RBMS3: variants seen among roughly 807,000 people sequenced by gnomAD.
RBMS3 encodes the protein RNA binding motif single stranded interacting protein 3.
RBMS3 carries 27 observed loss-of-function variants against 66.8 expected under a neutral mutation model. That is an observed-to-expected ratio of 0.40 (90% CI 0.30 to 0.56). RBMS3 has a LOEUF of 0.56. Ranked by LOEUF, RBMS3 falls within the 20% of genes least tolerant of loss-of-function variation. The pLI is 0.40. For missense variants in RBMS3, 513 were observed against 549.5 expected (o/e 0.93, Z 0.66); for synonymous variants, 188 against 183.0 (o/e 1.03, Z -0.22).
At chr3:29,954,001 A>G (rs1695862166) in intron 12 of RBMS3, among the ~76,000 whole-genome samples, 1 of 151,506 alleles carries the variant, frequency 6.6e-6, no homozygotes, top group East Asian at 1.9e-4. Context: ...TCTTGATTTC[A>G]TCTGCCTCAA....
chr3:29,497,023 T>C (rs2043777576), intron 3 of RBMS3, among the ~76,000 whole-genome samples: 1 of 152,076 alleles, frequency 6.6e-6, no homozygotes, highest in Non-Finnish European at 1.5e-5. Flanking sequence ...GAAAACTTTT[T>C]TTTTTTTCTT....
intron 6 of RBMS3, among the ~76,000 whole-genome samples, chr3:29,806,705 T>C (rs2057559278): frequency 6.6e-6 from 1 of 151,966 alleles, no homozygotes; most frequent in East Asian, 1.9e-4. Flanking sequence ...TCATTTATAA[T>C]TATTACAAGG....
intron 2 of RBMS3, among the ~76,000 whole-genome samples, chr3:29,458,964 C>A (rs2042283204): frequency 6.6e-6 from 1 of 152,114 alleles, no homozygotes; most frequent in South Asian, 2.1e-4. Flanking sequence ...TTTCCTATTA[C>A]ATCATGATGT....
intron 6 of RBMS3, among the ~76,000 whole-genome samples, chr3:29,770,818 G>A (rs778389172): frequency 6.6e-6 from 1 of 151,954 alleles, no homozygotes; most frequent in South Asian, 2.1e-4. Context: ...TAACACACAA[G>A]CCAGGGAAAC....
At chr3:29,516,450 TTTTTGTTTTTTGG>T (rs2044628347) in intron 3 of RBMS3, among the ~76,000 whole-genome samples, 1 of 151,900 alleles carries the variant, frequency 6.6e-6, no homozygotes, top group Admixed American at 6.6e-5. Flanking sequence ...TTTTTGTTTG[TTTTTGTTTTTTGG>T]TTTTGTTTTG....
At chr3:29,950,667 A>T (rs182535262) in intron 12 of RBMS3, among the ~76,000 whole-genome samples, 66 of 151,948 alleles carry the variant, frequency 4.3e-4, no homozygotes, top group African/African-American at 1.5e-3. Context: ...AGAATGCAAA[A>T]TGCCCGAACC....
At chr3:29,349,882 G>A (rs1373822462) in intron 1 of RBMS3, among the ~76,000 whole-genome samples, 4 of 152,072 alleles carry the variant, frequency 2.6e-5, no homozygotes, top group South Asian at 2.1e-4. Flanking sequence ...TGTTCAGGCC[G>A]GGTGAGGTGA....
chr3:29,578,278 C>A (rs1025180739), intron 3 of RBMS3, among the ~76,000 whole-genome samples: 1 of 152,120 alleles, frequency 6.6e-6, no homozygotes, highest in Non-Finnish European at 1.5e-5. Flanking sequence ...AGGGAAATTA[C>A]GTTTTACTGA....
At chr3:29,609,511 A>G (rs905648832) in intron 4 of RBMS3, among the ~76,000 whole-genome samples, 4 of 152,016 alleles carry the variant, frequency 2.6e-5, no homozygotes, top group Admixed American at 6.6e-5. Flanking sequence ...CTGTTTTCCA[A>G]CAGGTATGGG....
chr3:29,433,732 A>G (rs908911649), intron 1 of RBMS3, among the ~76,000 whole-genome samples: 1 of 152,242 alleles, frequency 6.6e-6, no homozygotes, highest in Non-Finnish European at 1.5e-5. Context: ...GTATAAAAAA[A>G]GAAGCATAAT....
intron 4 of RBMS3, among the ~76,000 whole-genome samples, chr3:29,660,510 T>G (rs761298310): frequency 6.6e-6 from 1 of 152,232 alleles, no homozygotes; most frequent in Non-Finnish European, 1.5e-5. Flanking sequence ...ATTGGAGAGC[T>G]TAATTCGTTA....
chr3:29,858,615 A>C (rs1386396588), intron 6 of RBMS3, among the ~76,000 whole-genome samples: 1 of 152,176 alleles, frequency 6.6e-6, no homozygotes, highest in Non-Finnish European at 1.5e-5. Context: ...AGCACCAATA[A>C]TGTTCCAGCC....
intron 8 of RBMS3, among the ~76,000 whole-genome samples, chr3:29,888,007 CT>C (rs766388472): frequency 1.3e-5 from 2 of 151,834 alleles, no homozygotes; most frequent in East Asian, 3.9e-4. Flanking sequence ...GAGCATTTCT[CT>C]TTTTTTCTCA....
At chr3:29,830,020 G>C (rs1292681853) in intron 6 of RBMS3, among the ~76,000 whole-genome samples, 1 of 152,056 alleles carries the variant, frequency 6.6e-6, no homozygotes, top group Non-Finnish European at 1.5e-5. Context: ...GTTTGCGAAA[G>C]TCTTGTTATT....
At chr3:29,494,257 T>C (rs992441741) in intron 3 of RBMS3, among the ~76,000 whole-genome samples, 2 of 152,222 alleles carry the variant, frequency 1.3e-5, no homozygotes, top group Admixed American at 1.3e-4. Context: ...GAAAAGCTTT[T>C]ATGCTCTCCT....
chr3:29,558,674 A>G (rs1200282861), intron 3 of RBMS3, among the ~76,000 whole-genome samples: 3 of 152,198 alleles, frequency 2.0e-5, no homozygotes, highest in Non-Finnish European at 4.4e-5. Context: ...AATGATCTGT[A>G]TATGGAATTA....
At chr3:29,490,042 CAAAAAA>C (rs1245001930) in intron 3 of RBMS3, among the ~76,000 whole-genome samples, 3 of 50,006 alleles carry the variant, frequency 6.0e-5, no homozygotes, top group Non-Finnish European at 8.4e-5. Context: ...GACTCCCTCT[CAAAAAA>C]AAAAAAAAAA....
At chr3:29,520,304 AT>A (rs1258866032) in intron 3 of RBMS3, among the ~76,000 whole-genome samples, 4 of 152,178 alleles carry the variant, frequency 2.6e-5, no homozygotes, top group African/African-American at 7.2e-5. Flanking sequence ...AAATAATAAT[AT>A]TTTTTATAGC....
At chr3:29,633,793 A>G (rs772631555) in intron 4 of RBMS3, among the ~76,000 whole-genome samples, 2 of 151,730 alleles carry the variant, frequency 1.3e-5, no homozygotes, top group Non-Finnish European at 2.9e-5. Context: ...CTTTTGGCCA[A>G]TTTCCTTAAC....
Sources: allele counts gnomAD v4.1 joint callset (sites outside exome capture counted in the v4.1 genomes callset), GRCh38; gene constraint gnomAD v4.1.1; transcripts MANE v1.5; gene names NCBI Gene and HGNC (gene_info 2026-07-23, HGNC 2026-07-21).